TENM3: variants seen among roughly 807,000 people sequenced by gnomAD.
TENM3 encodes the protein teneurin transmembrane protein 3, also known as teneurin-3.
Under a neutral mutation model 255.1 loss-of-function variants are expected in TENM3, and 63 were observed. The ratio of observed to expected loss-of-function variants is 0.25; its 90% CI spans 0.20 to 0.30. The LOEUF (loss-of-function observed/expected upper bound fraction) is 0.30. Ranked by LOEUF, TENM3 falls within the 10% of genes least tolerant of loss-of-function variation. The pLI, the probability that TENM3 is intolerant of heterozygous loss-of-function variation, is 1.00. For synonymous variants in TENM3, 1,306 were observed against 1,322.3 expected, an observed-to-expected ratio of 0.99 and a Z score of 0.27; for missense variants, 2,929 against 3,461.1, an observed-to-expected ratio of 0.85 and a Z score of 3.86.
chr4:182,388,355 A>C (rs2150965221), intron 3 of TENM3, among the ~76,000 whole-genome samples: 1 of 152,326 alleles, frequency 6.6e-6, no homozygotes, highest in Admixed American at 6.5e-5. Context: ...TGATAACAAA[A>C]ATAATAATAT....
rs79714100 is a variant in TENM3 at position 182,635,186 on chromosome 4, T to C, written c.988+6297T>C. On this transcript the variant is annotated intron_variant, in intron 5 of 27. Transcript: ENST00000511685. ...ATTATCAGACTATATTGTGGTGGTA[T>C]ATTTTCTCAATTATCTTGCCCTTTT... Among the ~76,000 whole-genome samples, 242 of 152,378 alleles carry C rather than the reference T, an allele frequency of 1.6e-3. 4 individuals are homozygous for C. In the East Asian group the frequency reaches 0.037, roughly 23 times the overall value.
the TENM3 span, among the ~76,000 whole-genome samples, chr4:181,805,552 T>A: frequency 6.6e-6 from 1 of 151,996 alleles, no homozygotes; most frequent in Non-Finnish European, 1.5e-5. Context: ...TTCTATGTTC[T>A]CAACGTTCAA....
At chr4:182,012,095 G>T in the TENM3 span, among the ~76,000 whole-genome samples, 1 of 152,090 alleles carries the variant, frequency 6.6e-6, no homozygotes, top group Non-Finnish European at 1.5e-5. Context: ...GCCAATTAAG[G>T]CCCCAGAGAT....
At chr4:181,513,180 T>C in the TENM3 span, among the ~76,000 whole-genome samples, 1 of 152,184 alleles carries the variant, frequency 6.6e-6, no homozygotes, top group African/African-American at 2.4e-5. Context: ...CCTATAGTTC[T>C]GGAGCATCTT....
At chr4:181,788,695 C>A in the TENM3 span, among the ~76,000 whole-genome samples, 1 of 152,130 alleles carries the variant, frequency 6.6e-6, no homozygotes, top group Non-Finnish European at 1.5e-5. Flanking sequence ...ATCGCTCGAG[C>A]GATCTTCCTG....
At chr4:182,730,022 C>T (rs760798930) in intron 14 of TENM3, among the ~76,000 whole-genome samples, 178 bp from the exon 15 acceptor site, 15 of 152,094 alleles carry the variant, frequency 9.9e-5, no homozygotes, top group Non-Finnish European at 2.2e-4. Context: ...AGAGAATATG[C>T]GTTACACTGA....
intron 2 of TENM3, among the ~76,000 whole-genome samples, chr4:182,329,985 C>A: frequency 6.6e-6 from 1 of 151,334 alleles, no homozygotes; most frequent in African/African-American, 2.4e-5. Context: ...TTTTTACTTA[C>A]TAAAAATAAA....
chr4:181,456,988 T>G, the TENM3 span, among the ~76,000 whole-genome samples: 1 of 151,842 alleles, frequency 6.6e-6, no homozygotes, highest in Non-Finnish European at 1.5e-5. Context: ...GTAGAGAAAT[T>G]TTTCCACATC....
chr4:181,806,994 A>G, the TENM3 span, among the ~76,000 whole-genome samples: 1 of 151,062 alleles, frequency 6.6e-6, no homozygotes, highest in African/African-American at 2.4e-5. Context: ...TCAATTAGTC[A>G]CTCTTAACTT....
intron 3 of TENM3, among the ~76,000 whole-genome samples, chr4:182,463,579 G>A (rs1049290461): frequency 2.7e-5 from 4 of 150,642 alleles, no homozygotes; most frequent in African/African-American, 7.3e-5. Flanking sequence ...CAAGCGATTC[G>A]AATCAAGTAG....
chr4:181,822,581 T>C, the TENM3 span, among the ~76,000 whole-genome samples: 1 of 152,228 alleles, frequency 6.6e-6, no homozygotes, highest in Non-Finnish European at 1.5e-5. Context: ...TCATTCTCCA[T>C]ATTGTTCAGA....
intron 1 of TENM3, among the ~76,000 whole-genome samples, chr4:182,152,708 A>G (rs1561142394): frequency 2.0e-5 from 3 of 151,190 alleles, no homozygotes; most frequent in East Asian, 3.9e-4. Context: ...TTGAGTCAAC[A>G]CTTTACTAAA....
At chr4:182,232,693 C>CA (rs958353496) in intron 1 of TENM3, among the ~76,000 whole-genome samples, 56 of 146,782 alleles carry the variant, frequency 3.8e-4, no homozygotes, top group African/African-American at 1.0e-3. Flanking sequence ...AGAGTCCATC[C>CA]AAAAAAAAAA....
intron 1 of TENM3, among the ~76,000 whole-genome samples, chr4:182,197,640 G>T: frequency 6.6e-6 from 1 of 152,318 alleles, no homozygotes; most frequent in Non-Finnish European, 1.5e-5. Flanking sequence ...TAAGAGCAAA[G>T]TGTCTTTTGC....
intron 5 of TENM3, among the ~76,000 whole-genome samples, chr4:182,629,654 A>G (rs1751166123): frequency 6.6e-6 from 1 of 152,162 alleles, no homozygotes; most frequent in African/African-American, 2.4e-5. Context: ...AATGGTGTCC[A>G]CTGAGATAAA....
intron 4 of TENM3, among the ~76,000 whole-genome samples, chr4:182,627,383 G>C (rs957733642): frequency 6.6e-6 from 1 of 152,070 alleles, no homozygotes; most frequent in Non-Finnish European, 1.5e-5. Context: ...TTTGAACCTT[G>C]GCAGTCTGGC....
intron 3 of TENM3, among the ~76,000 whole-genome samples, chr4:182,519,298 A>C (rs1219032214): frequency 6.6e-6 from 1 of 152,254 alleles, no homozygotes; most frequent in Non-Finnish European, 1.5e-5. Context: ...AAACTTTTAA[A>C]TGTGGGTATT....
At chr4:182,696,126 C>T (rs1232958705) in intron 12 of TENM3, among the ~76,000 whole-genome samples, 1 of 152,100 alleles carries the variant, frequency 6.6e-6, no homozygotes, top group African/African-American at 2.4e-5. Flanking sequence ...TGAGTATTAT[C>T]AACTCAGCAT....
At chr4:182,779,290 G>A (rs1266586202) in intron 24 of TENM3, among the ~76,000 whole-genome samples, 3 of 151,142 alleles carry the variant, frequency 2.0e-5, no homozygotes, top group Admixed American at 6.6e-5. Flanking sequence ...TCCCACCTAT[G>A]AGTGAGAATA....
Sources: gnomAD v4.1 joint callset for allele counts (sites outside exome capture counted in the v4.1 genomes callset) on GRCh38, gnomAD v4.1.1 for gene constraint, MANE v1.5 for transcripts, NCBI Gene and HGNC (gene_info 2026-07-23, HGNC 2026-07-21) for gene names.